GLRA3: variants seen among roughly 807,000 people sequenced by gnomAD.
GLRA3 encodes glycine receptor alpha 3.
Under a neutral mutation model 60.4 loss-of-function variants are expected in GLRA3, and 44 were observed. That is an observed-to-expected ratio of 0.73 (90% CI 0.57 to 0.94). The LOEUF (loss-of-function observed/expected upper bound fraction) is 0.94. Ranked by LOEUF, GLRA3 falls within the 40% of genes least tolerant of loss-of-function variation. The probability of loss-of-function intolerance (pLI) is 0.00; values close to 1 mark genes in which losing one functional copy is unlikely to be tolerated. For synonymous variants in GLRA3, 223 were observed against 192.9 expected (o/e 1.16, Z -1.29); for missense variants, 508 against 564.6 (o/e 0.90, Z 1.02).
chr4:174,790,315 C>T (rs1310859850), intron 1 of GLRA3, among the ~76,000 whole-genome samples: 2 of 152,000 alleles, frequency 1.3e-5, no homozygotes, highest in African/African-American at 4.8e-5. Context: ...TATTATTGCT[C>T]AACCAAACTG....
chr4:174,824,163 A>G (rs995219333), intron 1 of GLRA3, among the ~76,000 whole-genome samples: 1 of 152,172 alleles, frequency 6.6e-6, no homozygotes, highest in Non-Finnish European at 1.5e-5. Context: ...ACCAAATTCA[A>G]TGTCCTCTTT....
chr4:174,711,074 G>GTA (rs1735702103), intron 5 of GLRA3, among the ~76,000 whole-genome samples: 1 of 151,840 alleles, frequency 6.6e-6, no homozygotes, highest in African/African-American at 2.4e-5. Flanking sequence ...TTATACAAGT[G>GTA]TATATTAATA....
At chr4:174,814,043 G>A (rs898907462) in intron 1 of GLRA3, among the ~76,000 whole-genome samples, 17 of 151,450 alleles carry the variant, frequency 1.1e-4, no homozygotes, top group Non-Finnish European at 1.9e-4. Flanking sequence ...ACTCTGTGTG[G>A]CTCTGCAGCA....
At chr4:174,674,902 T>C (rs28616750) in intron 7 of GLRA3, among the ~76,000 whole-genome samples, 1 of 151,914 alleles carries the variant, frequency 6.6e-6, no homozygotes, top group Non-Finnish European at 1.5e-5. Flanking sequence ...TGGCCCAAAA[T>C]AGTTGCAGAA....
chr4:174,663,072 T>G (rs757051451), intron 7 of GLRA3, among the ~76,000 whole-genome samples: 4 of 152,140 alleles, frequency 2.6e-5, no homozygotes, highest in Non-Finnish European at 4.4e-5. Context: ...TTGGGTTGAT[T>G]TTCTTTTTGA....
intron 2 of GLRA3, among the ~76,000 whole-genome samples, chr4:174,767,739 T>C (rs1738207884): frequency 6.6e-6 from 1 of 152,046 alleles, no homozygotes; most frequent in East Asian, 1.9e-4. Context: ...AACTCTACCT[T>C]ACCCTTCACT....
chr4:174,693,865 A>C (rs1038248780), intron 5 of GLRA3, among the ~76,000 whole-genome samples: 7 of 152,136 alleles, frequency 4.6e-5, no homozygotes, highest in African/African-American at 1.7e-4. Context: ...AATGACACCC[A>C]CTGCTCAAAG....
intron 9 of GLRA3, among the ~76,000 whole-genome samples, chr4:174,655,863 G>A (rs922391117): frequency 8.5e-5 from 13 of 152,066 alleles, no homozygotes; most frequent in Middle Eastern, 3.4e-3. Context: ...AATAATACCA[G>A]GTCTAGACAA....
chr4:174,774,825 A>G lies in GLRA3; in HGVS notation c.200-7795T>C, dbSNP rs968510243. Among the ~76,000 whole-genome samples, 45 of 152,288 alleles carry G rather than the reference A, an allele frequency of 3.0e-4. No homozygotes were observed. In the Middle Eastern group the frequency reaches 0.017, roughly 58 times the overall value. ...AAGATCAGCAAATTAGAAGGTAGCA[A>G]TCTATTCAACTACTTTTCTTGTTAT... is the stretch of plus-strand genomic sequence containing the variant. On this transcript the variant is annotated intron_variant, in intron 2 of 9. Coordinates refer to ENST00000274093, the MANE Select transcript of GLRA3 (RefSeq NM_006529.4).
Position 174,728,621 on chromosome 4 carries a change from A to G in GLRA3, c.345T>C (p.Ser115=), listed in dbSNP as rs753904123. Residue 115 remains serine, a synonymous_variant, in exon 4 of 10, where the codon TCT becomes TCC. Coordinates refer to ENST00000274093, the MANE Select transcript of GLRA3 (RefSeq NM_006529.4). ...CCAACATGGAGGGGTCGAGGTCTAA[A>G]GAGTCGTCAGGATATTCACTGTACG... ...RLAYSEYPDD[S]LDLDPSMLDS... 1 of 1,612,868 alleles carries G rather than the reference A, an allele frequency of 6.2e-7. No homozygotes were observed. Among genetic ancestry groups the G allele is most frequent in the Non-Finnish European group, 8.5e-7 (1 of 1,178,828 alleles).
chr4:174,761,774 G>A (rs1737951046), intron 3 of GLRA3, among the ~76,000 whole-genome samples: 1 of 152,138 alleles, frequency 6.6e-6, no homozygotes, highest in Admixed American at 6.5e-5. Context: ...GTATAAGCAG[G>A]CTCTGGGATG....
intron 4 of GLRA3, among the ~76,000 whole-genome samples, chr4:174,727,571 A>C (rs1236626818): frequency 6.6e-6 from 1 of 152,194 alleles, no homozygotes; most frequent in Non-Finnish European, 1.5e-5. Context: ...TCACAACTAA[A>C]CTAAATTAGA....
chr4:174,788,983 G>GT, intron 1 of GLRA3, 40 bp from the exon 2 acceptor site: 2 of 1,363,706 alleles, frequency 1.5e-6, no homozygotes, highest in Non-Finnish European at 1.0e-6. Flanking sequence ...ACAAAAAGAA[G>GT]TATTTCTAAT....
At chr4:174,674,017 T>C (rs987883695) in intron 7 of GLRA3, among the ~76,000 whole-genome samples, 1 of 152,200 alleles carries the variant, frequency 6.6e-6, no homozygotes, top group African/African-American at 2.4e-5. Flanking sequence ...TAAAGCCATC[T>C]GCTACTCTCT....
rs1394425816 is a variant in GLRA3, at chr4:174,640,981, G to C, written c.*2805C>G. ...ATTTAAAGTTGTAAAGTAAGTTCTA[G>C]AGCCTCATTATGGTTTAAGTTCAAT... On this transcript the variant is annotated 3_prime_UTR_variant, in exon 10 of 10. Transcript: ENST00000274093. 7.0e-6 allele frequency: 1 copy of C among 142,694 alleles called. No individual in the cohort carries two copies. Among genetic ancestry groups the C allele is most frequent in the African/African-American group, 2.4e-5 (1 of 40,910 alleles). 8.8% of individuals were successfully genotyped at this position (142,694 alleles called of 1,614,324 possible).
At chr4:174,700,190 G>A (rs1268478707) in intron 5 of GLRA3, among the ~76,000 whole-genome samples, 1 of 152,160 alleles carries the variant, frequency 6.6e-6, no homozygotes, top group Non-Finnish European at 1.5e-5. Flanking sequence ...ACCATTTTCT[G>A]TGTCTTTACT....
At chr4:174,691,252 G>A (rs1012650617) in intron 5 of GLRA3, among the ~76,000 whole-genome samples, 3 of 152,108 alleles carry the variant, frequency 2.0e-5, no homozygotes, top group African/African-American at 7.2e-5. Context: ...GTGTAAGATG[G>A]TATCTCATTG....
At position 174,672,183 on chromosome 4, in the gene GLRA3, T is replaced by C. The variant is rs184620146; in HGVS notation, c.927+4895A>G. 2.5e-3 allele frequency among the ~76,000 whole-genome samples: 381 copies of C among 152,204 alleles called. 4 individuals carry two copies. The highest frequency in any genetic ancestry group is 8.6e-3 in the African/African-American group (359 of 41,548). On this transcript the variant is annotated intron_variant, in intron 7 of 9. Coordinates refer to ENST00000274093, the MANE Select transcript of GLRA3 (RefSeq NM_006529.4). ...TTTAATGTTTAGTAGCTGTTTTCAA[T>C]GAGATGGCCATAGTGATGGGAGCAG...
chr4:174,754,791 A>G lies in GLRA3; in HGVS notation c.267+12172T>C, dbSNP rs116553653. On this transcript the variant is annotated intron_variant, in intron 3 of 9. Coordinates refer to ENST00000274093, the MANE Select transcript of GLRA3 (RefSeq NM_006529.4). ...GTAAAACCTAGCCTGTTTATGAAAT[A>G]GTTGCACCCTAATATTTTTGATTTT... 2.8e-3 allele frequency among the ~76,000 whole-genome samples: 433 copies of G among 152,238 alleles called. 3 individuals are homozygous for G. Among genetic ancestry groups the G allele is most frequent in the African/African-American group, 1.0e-2 (414 of 41,576 alleles).
Sources: gnomAD v4.1 joint callset for allele counts (sites outside exome capture counted in the v4.1 genomes callset) on GRCh38, gnomAD v4.1.1 for gene constraint, MANE v1.5 for transcripts, NCBI Gene and HGNC (gene_info 2026-07-23, HGNC 2026-07-21) for gene names.